FBXO30: variants seen among roughly 807,000 people sequenced by gnomAD.
FBXO30 encodes F-box protein 30, also known as F-box only protein 30.
In FBXO30, 21 loss-of-function variants were observed where a neutral mutation model predicts 58.1. The observed-to-expected ratio is 0.36, with a 90% CI of 0.26 to 0.52. The LOEUF (loss-of-function observed/expected upper bound fraction) is 0.52, where lower values mean the gene tolerates loss of function less well. Ranked by LOEUF, FBXO30 falls within the 20% of genes least tolerant of loss-of-function variation. The pLI is 0.93. For missense variants in FBXO30, 744 were observed against 897.3 expected, an observed-to-expected ratio of 0.83 and a Z score of 2.18; for synonymous variants, 309 against 312.4, an observed-to-expected ratio of 0.99 and a Z score of 0.11.
At position 145,799,190 on chromosome 6, in the gene FBXO30, A is replaced by G. The variant is rs1777925685; in HGVS notation, c.*916T>C. On this transcript the variant is annotated 3_prime_UTR_variant, in exon 3 of 3. Transcript: ENST00000237281. ...CAAATTTCACGTTTTTAAATGTCTTAAAACAACATAGTTGTAATGTTTATA... is the reference window on the plus strand; with the variant it reads ...CAAATTTCACGTTTTTAAATGTCTTGAAACAACATAGTTGTAATGTTTATA... 3.3e-5 allele frequency: 5 copies of G among 152,292 alleles called. No homozygotes were observed. In the South Asian group the frequency reaches 1.0e-3, roughly 32 times the overall value. The allele number at this position is 152,292 out of a possible 1,614,324, so 9.4% of individuals were successfully genotyped here. A position where few individuals can be genotyped will look rare whatever the true frequency, so the allele number is the denominator to read the frequency against.
rs770064255 is a variant in FBXO30 at position 145,805,658 on chromosome 6, T to C, written c.748A>G (p.Ile250Val). The C allele has an allele frequency of 8.7e-6, 14 of 1,614,008 alleles. No homozygotes were observed. The highest frequency in any genetic ancestry group is 1.1e-5 in the Non-Finnish European group (13 of 1,179,994). ...YEEEIGAVGG[I>V]DYNDTNQNAQ... ...TTCTGATTTGTGTCATTGTAGTCAA[T>C]TCCACCTACTGCTCCTATTTCCTCC... The change falls in exon 2 of 3, where the codon ATT becomes GTT. Residue 250 changes from isoleucine to valine, a missense_variant. Physicochemically the swap from Ile to Val is conservative, Grantham distance 29 (BLOSUM62 3). Transcript: ENST00000237281.
Position 145,812,509 on chromosome 6 carries a change from T to G in FBXO30, c.-17+2094A>C, listed in dbSNP as rs564693509. On this transcript the variant is annotated intron_variant, in intron 1 of 2. Transcript: ENST00000237281. Reference sequence around the variant, plus strand: ...CCAAAGAGTCTCAGCTTAGTGACCTTGAGGCAATTACTTTACTCTGGAAAC... The same window carrying G: ...CCAAAGAGTCTCAGCTTAGTGACCTGGAGGCAATTACTTTACTCTGGAAAC... Among the ~76,000 whole-genome samples, 197 of 152,300 alleles carry G rather than the reference T, an allele frequency of 1.3e-3. 2 individuals carry two copies. Among genetic ancestry groups the G allele is most frequent in the Non-Finnish European group, 2.4e-3 (165 of 68,004 alleles).
Position 145,798,263 on chromosome 6 carries a change from G to T in FBXO30, c.*1843C>A, listed in dbSNP as rs1777904190. 6.6e-6 allele frequency: 1 copy of T among 151,954 alleles called. No individual in the cohort carries two copies. The highest frequency in any genetic ancestry group is 1.5e-5 in the Non-Finnish European group (1 of 67,920). The allele number at this position is 151,954 out of a possible 1,614,324, so 9.4% of individuals were successfully genotyped here. A position where few individuals can be genotyped will look rare whatever the true frequency, so the allele number is the denominator to read the frequency against. On this transcript the variant is annotated 3_prime_UTR_variant, in exon 3 of 3. Coordinates refer to ENST00000237281, the MANE Select transcript of FBXO30 (RefSeq NM_032145.5). ...ACAAAGAAAACATTTTAACAAAATG[G>T]TATGGTGGCATAACAATAACAAAAA...
intron 1 of FBXO30, among the ~76,000 whole-genome samples, chr6:145,807,301 G>A (rs1421930172): frequency 2.0e-5 from 3 of 152,186 alleles, no homozygotes; most frequent in Non-Finnish European, 4.4e-5. Flanking sequence ...TAATCAATAT[G>A]AGTAGGGATT....
chr6:145,800,609 T>G (rs549516669), intron 2 of FBXO30, among the ~76,000 whole-genome samples: 79 of 152,206 alleles, frequency 5.2e-4, no homozygotes, highest in Non-Finnish European at 9.7e-4. Flanking sequence ...AAATCAAAAC[T>G]GCACAAATTC....
rs1777887610 is a variant in FBXO30, at chr6:145,797,504, C to T, written c.*2602G>A. Reference sequence around the variant, plus strand: ...GAATCACCTAGAGATCTTGTTAAAACAGATTGTTGGGTCCCACCCCAGAGT... The same window carrying T: ...GAATCACCTAGAGATCTTGTTAAAATAGATTGTTGGGTCCCACCCCAGAGT... On this transcript the variant is annotated 3_prime_UTR_variant, in exon 3 of 3. Transcript: ENST00000237281. The T allele has an allele frequency of 6.6e-6, 1 of 152,012 alleles. No homozygotes were observed. Among genetic ancestry groups the T allele is most frequent in the Non-Finnish European group, 1.5e-5 (1 of 67,926 alleles). 9.4% of individuals were successfully genotyped at this position (152,012 alleles called of 1,614,324 possible). A position where few individuals can be genotyped will look rare whatever the true frequency, so the allele number is the denominator to read the frequency against.
Position 145,799,886 on chromosome 6 carries a change from C to T in FBXO30, c.*220G>A. On this transcript the variant is annotated 3_prime_UTR_variant, in exon 3 of 3. Transcript: ENST00000237281. ...ATTATGTAGCTAAAAATTAAATCAC[C>T]CTGTCCAGCAAGTTCCAAAAATTTC... 2 of 342,860 alleles carry T rather than the reference C, an allele frequency of 5.8e-6. No individual in the cohort carries two copies. Among genetic ancestry groups the T allele is most frequent in the Non-Finnish European group, 5.3e-6 (1 of 188,908 alleles). The allele number at this position is 342,860 out of a possible 1,614,324, so 21.2% of individuals were successfully genotyped here.
rs1489616802 is a variant in FBXO30 at position 145,793,747 on chromosome 6, T to A, written c.*6359A>T. On this transcript the variant is annotated 3_prime_UTR_variant, in exon 3 of 3. Coordinates refer to ENST00000237281, the MANE Select transcript of FBXO30 (RefSeq NM_032145.5). ...GTCAATCACTCAGTCACAGAAGTTT[T>A]AAATATAAGGAAATTTTGATGAATT... 1 of 152,064 alleles carries A rather than the reference T, an allele frequency of 6.6e-6. No individual in the cohort carries two copies. Among genetic ancestry groups the A allele is most frequent in the Admixed American group, 6.5e-5 (1 of 15,268 alleles). The allele number at this position is 152,064 out of a possible 1,614,324, so 9.4% of individuals were successfully genotyped here.
rs751870347 is a variant in FBXO30, at chr6:145,805,158, A to G, written c.1248T>C (p.Asp416=). The part of the protein sequence containing the change: ...VDTSDLEVAE[D]PMGLQGIDLI... Reference sequence around the variant, plus strand: ...GATCTATTCCTTGGAGGCCCATAGGATCTTCTGCAACTTCCAAATCTGATG... The same window carrying G: ...GATCTATTCCTTGGAGGCCCATAGGGTCTTCTGCAACTTCCAAATCTGATG... The change falls in exon 2 of 3, where the codon GAT becomes GAC. Residue 416 remains aspartate (D), a synonymous_variant. Coordinates refer to ENST00000237281, the MANE Select transcript of FBXO30 (RefSeq NM_032145.5). 33 of 1,613,982 alleles carry G rather than the reference A, an allele frequency of 2.0e-5. No individual in the cohort carries two copies. In the South Asian group the frequency reaches 3.6e-4, roughly 18 times the overall value.
At chr6:145,810,729 T>TA (rs1272138571) in intron 1 of FBXO30, among the ~76,000 whole-genome samples, 1 of 152,276 alleles carries the variant, frequency 6.6e-6, no homozygotes, top group Non-Finnish European at 1.5e-5. Context: ...AAAGCATTTT[T>TA]AAAAAATTCA....
intron 1 of FBXO30, among the ~76,000 whole-genome samples, chr6:145,811,205 A>T (rs1778324273): frequency 6.6e-6 from 1 of 152,208 alleles, no homozygotes; most frequent in Non-Finnish European, 1.5e-5. Flanking sequence ...AAGAATTATA[A>T]TATAAGAAAA....
Position 145,796,575 on chromosome 6 carries a change from A to G in FBXO30, c.*3531T>C, listed in dbSNP as rs906427211. 2.2e-4 allele frequency: 34 copies of G among 152,054 alleles called. No individual in the cohort carries two copies. The highest frequency in any genetic ancestry group is 8.2e-4 in the African/African-American group (34 of 41,444). The allele number at this position is 152,054 out of a possible 1,614,324, so 9.4% of individuals were successfully genotyped here. On this transcript the variant is annotated 3_prime_UTR_variant, in exon 3 of 3. Coordinates refer to ENST00000237281, the MANE Select transcript of FBXO30 (RefSeq NM_032145.5). ...CTTTCTCTCTACTGCACTTCTAAAC[A>G]ACCAACTCTGCAAGCTCCAATCACA... is the stretch of plus-strand genomic sequence containing the variant.
chr6:145,804,390 T>C lies in FBXO30; in HGVS notation c.2016A>G (p.Ser672=), dbSNP rs374477612. ...GKRKYPEGNS[S]WQIKEKVWRF... is the part of the protein sequence containing the mutation. Reference sequence around the variant, plus strand: ...CACTAACCTTTTCTTTTATCTGCCATGATGAATTTCCTTCTGGATACTTCC... The same window carrying C: ...CACTAACCTTTTCTTTTATCTGCCACGATGAATTTCCTTCTGGATACTTCC... Residue 672 remains serine (S), a synonymous_variant, in exon 2 of 3, where the codon TCA becomes TCG. Transcript: ENST00000237281. The C allele has an allele frequency of 8.1e-6, 13 of 1,612,378 alleles. No individual in the cohort carries two copies. The African/African-American group carries it at 1.2e-4, about 15-fold the overall frequency.
At position 145,805,072 on chromosome 6, in the gene FBXO30, T is replaced by A. The variant is rs367842440; in HGVS notation, c.1334A>T (p.Asp445Val). 6.2e-6 allele frequency: 10 copies of A among 1,613,940 alleles called. No individual in the cohort carries two copies. The African/African-American group carries it at 9.3e-5, about 15-fold the overall frequency. ...GTGATAAATATCAGCCATGCGGCTA[T>A]CAGATATACCCCTCCCTCCTGGAGA... ...GDSPGGRGIS[D>V]SRMADIYHID... Residue 445 changes from aspartate to valine, a missense_variant, in exon 2 of 3, where the codon GAT becomes GTT. Asp to Val is a radical substitution (Grantham distance 152, BLOSUM62 -3). Transcript: ENST00000237281.
chr6:145,795,986 G>A lies in FBXO30; in HGVS notation c.*4120C>T, dbSNP rs199859072. ...TTGCTCCAAAATGCTTTCCAAAGCA[G>A]TAGGAATCAAATATCCTAGGCAACA... is the stretch of plus-strand genomic sequence containing the variant. On this transcript the variant is annotated 3_prime_UTR_variant, in exon 3 of 3. Transcript: ENST00000237281. 6.6e-6 allele frequency: 1 copy of A among 151,894 alleles called. No homozygotes were observed. Among genetic ancestry groups the A allele is most frequent in the East Asian group, 1.9e-4 (1 of 5,194 alleles). 9.4% of individuals were successfully genotyped at this position (151,894 alleles called of 1,614,324 possible).
chr6:145,801,755 T>C (rs972445989), intron 2 of FBXO30, among the ~76,000 whole-genome samples: 7 of 152,098 alleles, frequency 4.6e-5, no homozygotes, highest in African/African-American at 1.7e-4. Flanking sequence ...GGCCTAGTGA[T>C]AGTATAGATG....
In FBXO30 at chr6:145,800,172, C is replaced by T; in HGVS notation, c.2172G>A (p.Met724Ile). The T allele has an allele frequency of 6.2e-7, 1 of 1,613,170 alleles. No individual in the cohort carries two copies. ...KREEAIPLPC[M>I]CVTRELTKEG... ...CTTTAGTGAGTTCTCGTGTCACACA[C>T]ATACATGGCAAAGGGATTGCTTCCT... is the stretch of plus-strand genomic sequence containing the variant. The change falls in exon 3 of 3, where the codon ATG becomes ATA. Residue 724 changes from methionine to isoleucine, a missense_variant. Physicochemically the swap from Met to Ile is conservative, Grantham distance 10 (BLOSUM62 1). Coordinates refer to ENST00000237281, the MANE Select transcript of FBXO30 (RefSeq NM_032145.5).
chr6:145,810,865 AC>A (rs930971543), intron 1 of FBXO30, among the ~76,000 whole-genome samples: 7 of 152,130 alleles, frequency 4.6e-5, no homozygotes, highest in Admixed American at 4.6e-4. Flanking sequence ...GTCTGCCTCT[AC>A]CTCTAACACA....
intron 1 of FBXO30, among the ~76,000 whole-genome samples, chr6:145,813,270 G>A (rs1778384095): frequency 6.7e-6 from 1 of 150,294 alleles, no homozygotes; most frequent in Non-Finnish European, 1.5e-5. Context: ...GCCTATATTC[G>A]AAACTTCAGT....
Sources: gnomAD v4.1 joint callset for allele counts (sites outside exome capture counted in the v4.1 genomes callset) on GRCh38, gnomAD v4.1.1 for gene constraint, MANE v1.5 for transcripts, NCBI Gene and HGNC (gene_info 2026-07-23, HGNC 2026-07-21) for gene names.